ACSM3: variants seen among roughly 807,000 people sequenced by gnomAD.
ACSM3 encodes the protein acyl-CoA synthetase medium chain family member 3, also known as acyl-coenzyme A synthetase ACSM3, mitochondrial.
A neutral mutation model predicts 74.1 loss-of-function variants in ACSM3; 61 were observed. The observed-to-expected ratio is 0.82, with a 90% CI of 0.67 to 1.02. The LOEUF (loss-of-function observed/expected upper bound fraction) is 1.02. Ranked by LOEUF, ACSM3 falls within the 50% of genes least tolerant of loss-of-function variation. The pLI is 0.00. For missense variants in ACSM3, 660 were observed against 697.0 expected, an observed-to-expected ratio of 0.95 and a Z score of 0.60; for synonymous variants, 213 against 241.5, an observed-to-expected ratio of 0.88 and a Z score of 1.09.
At chr16:20,726,047 C>T (rs529230073) in intron 1 of ACSM3, among the ~76,000 whole-genome samples, 5 of 152,176 alleles carry the variant, frequency 3.3e-5, no homozygotes, top group African/African-American at 1.2e-4. Flanking sequence ...TACAAACCAC[C>T]GGAATATCCT....
intron 3 of ACSM3, among the ~76,000 whole-genome samples, chr16:20,776,458 A>C (rs2080256958): frequency 6.6e-6 from 1 of 152,178 alleles, no homozygotes; most frequent in Admixed American, 6.5e-5. Context: ...GCCTGGGAAG[A>C]GTAAAACCTA....
chr16:20,701,345 T>G (rs905697505), intron 1 of ACSM3, among the ~76,000 whole-genome samples: 1 of 152,132 alleles, frequency 6.6e-6, no homozygotes, highest in Non-Finnish European at 1.5e-5. Context: ...AATTGACCAA[T>G]GACTTCCCCA....
At chr16:20,701,950 C>CAT (rs1309233422) in intron 1 of ACSM3, among the ~76,000 whole-genome samples, 1 of 152,266 alleles carries the variant, frequency 6.6e-6, no homozygotes, top group Middle Eastern at 3.4e-3. Context: ...CATGGATGGG[C>CAT]ATTCTGGTTG....
In ACSM3 at chr16:20,776,017, G is replaced by A; in HGVS notation, c.398G>A (p.Trp133Ter). The A allele has an allele frequency of 6.2e-7, 1 of 1,614,166 alleles. No individual in the cohort carries two copies. Among genetic ancestry groups the A allele is most frequent in the Non-Finnish European group, 8.5e-7 (1 of 1,180,024 alleles). The part of the protein sequence containing the change: ...VILILPRVPE[W>*]WLANVACLRT... ...CTGATTCTGCCCAGGGTCCCAGAGT[G>A]GTGGCTTGCAAATGTGGCCTGTCTG... Residue 133 changes from tryptophan to a stop codon, truncating the protein, a stop_gained, in exon 3 of 14, where the codon TGG becomes TAG. Transcript: ENST00000289416. LOFTEE classifies it high-confidence loss of function.
upstream of ACSM3, among the ~76,000 whole-genome samples, chr16:20,763,023 A>G (rs1175749156): frequency 6.6e-6 from 1 of 152,254 alleles, no homozygotes; most frequent in Non-Finnish European, 1.5e-5. Flanking sequence ...AGAAAATCCC[A>G]AGGAATCAAC....
chr16:20,772,985 A>T (rs534927641), intron 2 of ACSM3, among the ~76,000 whole-genome samples: 9 of 151,046 alleles, frequency 6.0e-5, no homozygotes, highest in Admixed American at 5.3e-4. Flanking sequence ...AAAAAAAAAG[A>T]TTTAGTGTTA....
chr16:20,702,386 G>A (rs1418276751), intron 1 of ACSM3, among the ~76,000 whole-genome samples: 1 of 152,112 alleles, frequency 6.6e-6, no homozygotes, highest in Non-Finnish European at 1.5e-5. Context: ...CTAATTTTTT[G>A]TATCTTTAGT....
chr16:20,682,808 G>A (rs866699310), intron 1 of ACSM3, among the ~76,000 whole-genome samples: 2 of 152,170 alleles, frequency 1.3e-5, no homozygotes, highest in African/African-American at 4.8e-5. Context: ...ACAGAACAGT[G>A]TCTCTGACAT....
intron 1 of ACSM3, chr16:20,741,479 C>CGGGGGGGGGGGGGGGGGGGGGG: frequency 6.0e-6 from 8 of 1,329,524 alleles, no homozygotes; most frequent in Admixed American, 3.4e-5. Context: ...GCCTGGCAGC[C>CGGGGGGGGGGGGGGGGGGGGGG]GGCCCGCCCG....
At chr16:20,741,428 A>G in intron 1 of ACSM3, 3 of 1,444,546 alleles carry the variant, frequency 2.1e-6, no homozygotes, top group Non-Finnish European at 2.7e-6. Flanking sequence ...GCGCATGCCC[A>G]TACCAGCAGC....
chr16:20,722,629 A>G (rs143686429), intron 1 of ACSM3, among the ~76,000 whole-genome samples: 1 of 152,360 alleles, frequency 6.6e-6, no homozygotes, highest in Non-Finnish European at 1.5e-5. Flanking sequence ...AGGTTCCAGT[A>G]GTTTAACTTA....
chr16:20,717,422 GGAA>G (rs1423838142), intron 1 of ACSM3, among the ~76,000 whole-genome samples: 2 of 152,296 alleles, frequency 1.3e-5, no homozygotes, highest in Non-Finnish European at 2.9e-5. Flanking sequence ...ATCAGTGAAA[GGAA>G]GAAGAAGAGG....
intron 1 of ACSM3, among the ~76,000 whole-genome samples, chr16:20,685,977 T>C (rs1204840169): frequency 1.3e-5 from 2 of 152,054 alleles, no homozygotes; most frequent in African/African-American, 4.8e-5. Context: ...TAAAACTCCA[T>C]TCCACCACAT....
chr16:20,748,445 T>C (rs867390905), intron 1 of ACSM3, among the ~76,000 whole-genome samples: 2 of 152,290 alleles, frequency 1.3e-5, no homozygotes, highest in South Asian at 4.2e-4. Flanking sequence ...CTTGGGGAAG[T>C]TAATTGTTCT....
At chr16:20,724,210 G>A (rs1048050439) in intron 1 of ACSM3, among the ~76,000 whole-genome samples, 3 of 152,186 alleles carry the variant, frequency 2.0e-5, no homozygotes, top group African/African-American at 7.2e-5. Flanking sequence ...TCCCTGGGAT[G>A]CAAGGCTGGT....
chr16:20,736,658 G>A, intron 1 of ACSM3: 1 of 507,800 alleles, frequency 2.0e-6, no homozygotes, highest in Non-Finnish European at 3.5e-6. Context: ...TCCCCTCTTT[G>A]CAACAGCAGC....
chr16:20,785,568 G>GAATGAAATAAGAACAAAA (rs973102557), intron 8 of ACSM3, among the ~76,000 whole-genome samples: 2 of 151,766 alleles, frequency 1.3e-5, no homozygotes, highest in African/African-American at 4.8e-5. Context: ...TAGAGGAAAT[G>GAATGAAATAAGAACAAAA]AATGAAATAA....
At chr16:20,776,755 G>C (rs1300896798) in intron 3 of ACSM3, among the ~76,000 whole-genome samples, 1 of 152,174 alleles carries the variant, frequency 6.6e-6, no homozygotes, top group African/African-American at 2.4e-5. Context: ...AAGAGTGTCT[G>C]GCTCCAGGAC....
At chr16:20,778,836 C>T (rs978953094) in intron 4 of ACSM3, among the ~76,000 whole-genome samples, 3 of 152,120 alleles carry the variant, frequency 2.0e-5, no homozygotes, top group East Asian at 3.9e-4. Flanking sequence ...CTGCAACCTC[C>T]ACCTCCCGAG....
Sources: allele counts gnomAD v4.1 joint callset (sites outside exome capture counted in the v4.1 genomes callset), GRCh38; gene constraint gnomAD v4.1.1; transcripts MANE v1.5; gene names NCBI Gene and HGNC (gene_info 2026-07-23, HGNC 2026-07-21).